Variants in HS6ST3 observed in about 807,000 individuals in gnomAD.
HS6ST3 encodes the protein heparan-sulfate 6-O-sulfotransferase 3.
HS6ST3 carries 12 observed loss-of-function variants against 36.7 expected under a neutral mutation model. That is an observed-to-expected ratio of 0.33 (90% CI 0.21 to 0.53). The LOEUF (loss-of-function observed/expected upper bound fraction) is 0.53, where lower values mean the gene tolerates loss of function less well. HS6ST3 is among the 20% of genes least tolerant of loss of function. HS6ST3 has a pLI of 0.95. For synonymous variants in HS6ST3, 240 were observed against 257.5 expected, an observed-to-expected ratio of 0.93 and a Z score of 0.65; for missense variants, 584 against 640.9, an observed-to-expected ratio of 0.91 and a Z score of 0.96.
chr13:96,621,852 G>C (rs1369181389), intron 1 of HS6ST3, among the ~76,000 whole-genome samples: 1 of 152,168 alleles, frequency 6.6e-6, no homozygotes, highest in Non-Finnish European at 1.5e-5. Context: ...TTGCAACGAG[G>C]GAGATCACAT....
At chr13:96,189,820 A>G (rs550548876) in intron 1 of HS6ST3, among the ~76,000 whole-genome samples, 1 of 152,294 alleles carries the variant, frequency 6.6e-6, no homozygotes, top group African/African-American at 2.4e-5. Flanking sequence ...AATCAACTAC[A>G]TGATCAGATT....
intron 1 of HS6ST3, among the ~76,000 whole-genome samples, chr13:96,120,628 G>A (rs762787079): frequency 6.6e-6 from 1 of 151,882 alleles, no homozygotes; most frequent in Non-Finnish European, 1.5e-5. Context: ...ATTTTATAAG[G>A]AGATACAAAT....
intron 1 of HS6ST3, among the ~76,000 whole-genome samples, chr13:96,207,580 A>G (rs142041326): frequency 3.6e-4 from 55 of 152,290 alleles, no homozygotes; most frequent in African/African-American, 1.3e-3. Flanking sequence ...AATCAACCTA[A>G]ATGCCCATCA....
chr13:96,404,347 T>C (rs2055466653), intron 1 of HS6ST3, among the ~76,000 whole-genome samples: 1 of 152,224 alleles, frequency 6.6e-6, no homozygotes, highest in Admixed American at 6.5e-5. Context: ...GTTAAGGTAG[T>C]TGCCTAAAGA....
At chr13:96,109,159 C>G (rs983723014) in intron 1 of HS6ST3, among the ~76,000 whole-genome samples, 2 of 152,196 alleles carry the variant, frequency 1.3e-5, no homozygotes, top group Admixed American at 1.3e-4. Flanking sequence ...GGCATTTTTA[C>G]ATTTTAATCT....
Position 96,286,894 on chromosome 13 carries a change from G to A in HS6ST3, c.707+195325G>A, listed in dbSNP as rs985007431. Among the ~76,000 whole-genome samples the A allele has an allele frequency of 4.6e-5, 7 of 152,094 alleles. 1 individual carries two copies. In the South Asian group the frequency reaches 8.3e-4, roughly 18 times the overall value. ...AATTATGCCTTAGGTGAGGTGGTGT[G>A]TATATGTATGTGTGCATGTGTGTGT... On this transcript the variant is annotated intron_variant, in intron 1 of 1. Transcript: ENST00000376705.
intron 1 of HS6ST3, among the ~76,000 whole-genome samples, chr13:96,310,880 T>C (rs2054937679): frequency 6.6e-6 from 1 of 152,212 alleles, no homozygotes; most frequent in East Asian, 1.9e-4. Flanking sequence ...TAGGGGCTTA[T>C]TAGCAAATAC....
intron 1 of HS6ST3, among the ~76,000 whole-genome samples, chr13:96,552,302 G>A (rs1269150195): frequency 6.6e-6 from 1 of 152,152 alleles, no homozygotes; most frequent in Non-Finnish European, 1.5e-5. Flanking sequence ...ATCACCTGAG[G>A]ACAGGCCTCA....
intron 1 of HS6ST3, among the ~76,000 whole-genome samples, chr13:96,587,416 C>T (rs2056365947): frequency 6.6e-6 from 1 of 151,862 alleles, no homozygotes; most frequent in African/African-American, 2.4e-5. Context: ...TTGTATTGCT[C>T]CAACAGAATA....
intron 1 of HS6ST3, among the ~76,000 whole-genome samples, chr13:96,187,349 C>CT (rs1365809153): frequency 3.3e-5 from 5 of 152,184 alleles, no homozygotes; most frequent in African/African-American, 2.4e-5. Flanking sequence ...TGAGGACTTG[C>CT]TAGGTGCCAT....
At chr13:96,826,760 AAGTGGTTTGAAACC>A (rs1594869454) in intron 1 of HS6ST3, among the ~76,000 whole-genome samples, 2 of 152,214 alleles carry the variant, frequency 1.3e-5, no homozygotes, top group Non-Finnish European at 2.9e-5. Flanking sequence ...AAGATACTAA[AAGTGGTTTGAAACC>A]AGTTATGGAA....
intron 1 of HS6ST3, among the ~76,000 whole-genome samples, chr13:96,426,211 G>A (rs2055586271): frequency 6.6e-6 from 1 of 152,026 alleles, no homozygotes; most frequent in Non-Finnish European, 1.5e-5. Context: ...GTGTAATTAT[G>A]TAAAGCTAAT....
At chr13:96,740,147 T>C (rs1212309376) in intron 1 of HS6ST3, among the ~76,000 whole-genome samples, 1 of 152,182 alleles carries the variant, frequency 6.6e-6, no homozygotes, top group African/African-American at 2.4e-5. Context: ...TTTATCTTAT[T>C]CATTGCCTGT....
rs1191825120 is a variant in HS6ST3, at chr13:96,839,183, ATTTG to A, written c.*5988_*5991del. 13 of 152,056 alleles carry A rather than the reference ATTTG, an allele frequency of 8.5e-5. No homozygotes were observed. Among genetic ancestry groups the A allele is most frequent in the Admixed American group, 7.2e-4 (11 of 15,278 alleles). 9.4% of individuals were successfully genotyped at this position (152,056 alleles called of 1,614,324 possible). ...TGTGTCTTCCACCTCCTTGACATTT[ATTTG>A]TTAATCATATGATCATTTTTTTTTC... On this transcript the variant is annotated 3_prime_UTR_variant, in exon 2 of 2. Transcript: ENST00000376705.
intron 1 of HS6ST3, among the ~76,000 whole-genome samples, chr13:96,651,406 C>T (rs1368017534): frequency 1.3e-5 from 2 of 151,990 alleles, no homozygotes; most frequent in Non-Finnish European, 2.9e-5. Flanking sequence ...ATTGCTTCAT[C>T]CTCAAATCTA....
chr13:96,679,394 C>A (rs1211834918), intron 1 of HS6ST3, among the ~76,000 whole-genome samples: 1 of 151,964 alleles, frequency 6.6e-6, no homozygotes, highest in Non-Finnish European at 1.5e-5. Flanking sequence ...GTTTGCCTCA[C>A]CCCAAGAGAC....
chr13:96,711,792 G>T (rs1018658207), intron 1 of HS6ST3, among the ~76,000 whole-genome samples: 88 of 152,224 alleles, frequency 5.8e-4, no homozygotes, highest in Middle Eastern at 6.8e-3. Context: ...AGTACATTTT[G>T]TGTCACACTC....
At chr13:96,331,522 G>C (rs1654726273) in intron 1 of HS6ST3, among the ~76,000 whole-genome samples, 1 of 152,128 alleles carries the variant, frequency 6.6e-6, no homozygotes, top group Non-Finnish European at 1.5e-5. Context: ...CCCACTTGAG[G>C]AGGCAGTCTG....
intron 1 of HS6ST3, among the ~76,000 whole-genome samples, chr13:96,598,583 T>G (rs2056410501): frequency 6.6e-6 from 1 of 152,062 alleles, no homozygotes; most frequent in Admixed American, 6.6e-5. Context: ...TGGAAGAGTC[T>G]TTAGGTTTTT....
Sources: gnomAD v4.1 joint callset for allele counts (sites outside exome capture counted in the v4.1 genomes callset) on GRCh38, gnomAD v4.1.1 for gene constraint, MANE v1.5 for transcripts, NCBI Gene and HGNC (gene_info 2026-07-23, HGNC 2026-07-21) for gene names.